ZPBP: variants seen among roughly 807,000 people sequenced by gnomAD.
ZPBP encodes zona pellucida-binding protein 1.
Under a neutral mutation model 44.8 loss-of-function variants are expected in ZPBP, and 26 were observed. The observed-to-expected ratio is 0.58, with a 90% CI of 0.43 to 0.81. The LOEUF (loss-of-function observed/expected upper bound fraction) is 0.81. Among genes scored for constraint, ZPBP ranks in the 30% least tolerant of loss-of-function variants. The probability of loss-of-function intolerance (pLI) is 0.00; values close to 1 mark genes in which losing one functional copy is unlikely to be tolerated. For missense variants in ZPBP, 409 were observed against 434.0 expected, an observed-to-expected ratio of 0.94 and a Z score of 0.51; for synonymous variants, 174 against 153.2, an observed-to-expected ratio of 1.14 and a Z score of -1.00.
chr7:50,047,932 T>C lies in ZPBP; in HGVS notation c.487+10057A>G, dbSNP rs572365427. On this transcript the variant is annotated intron_variant, in intron 4 of 7. Coordinates refer to ENST00000046087, the MANE Select transcript of ZPBP (RefSeq NM_007009.3). The stretch of plus-strand genomic sequence containing the variant: ...CTGCACAATGAGAAATATGTTTCCG[T>C]TGGATTTAACAACAAGGGGACTATT... 3.2e-4 allele frequency among the ~76,000 whole-genome samples: 48 copies of C among 152,268 alleles called. No homozygotes were observed. The Middle Eastern group carries it at 0.01, about 32-fold the overall frequency.
chr7:49,847,243 A>G (rs1483673542), downstream of ZPBP, among the ~76,000 whole-genome samples: 1 of 148,968 alleles, frequency 6.7e-6, no homozygotes, highest in South Asian at 2.1e-4. Flanking sequence ...TATATATAAT[A>G]TAATATAATT....
chr7:49,922,183 A>G (rs897855018), intron 1 of ZPBP, among the ~76,000 whole-genome samples: 1 of 152,192 alleles, frequency 6.6e-6, no homozygotes, highest in Non-Finnish European at 1.5e-5. Context: ...AGTAGCATCT[A>G]TAATATAATA....
Position 49,960,997 on chromosome 7 carries a change from G to A in ZPBP, c.961+22345C>T, listed in dbSNP as rs137860637. Among the ~76,000 whole-genome samples the A allele has an allele frequency of 1.3e-3, 199 of 152,106 alleles. 1 individual carries two copies. Among genetic ancestry groups the A allele is most frequent in the African/African-American group, 4.6e-3 (190 of 41,494 alleles). ...CAGCCACTTTATAAAGCCAATTGTT[G>A]GCTCCTAAATATGGATACAATTGGC... is the stretch of plus-strand genomic sequence containing the variant. On this transcript the variant is annotated intron_variant, in intron 7 of 7. Transcript: ENST00000046087.
At chr7:50,065,138 T>C (rs1801436716) in intron 3 of ZPBP, among the ~76,000 whole-genome samples, 1 of 152,240 alleles carries the variant, frequency 6.6e-6, no homozygotes, top group Non-Finnish European at 1.5e-5. Flanking sequence ...TCTATTTTTG[T>C]GAGTATGCTC....
intron 3 of ZPBP, among the ~76,000 whole-genome samples, chr7:50,065,508 A>T (rs925952767): frequency 6.6e-6 from 1 of 151,034 alleles, no homozygotes; most frequent in Admixed American, 6.6e-5. Flanking sequence ...GCCTTTTCTT[A>T]TCAGGCGATA....
intron 4 of ZPBP, among the ~76,000 whole-genome samples, chr7:50,041,906 C>T (rs1800114461): frequency 1.3e-5 from 2 of 152,124 alleles, no homozygotes; most frequent in South Asian, 4.2e-4. Flanking sequence ...TAATCAGATG[C>T]AAGGAAGCTA....
the ZPBP span, among the ~76,000 whole-genome samples, chr7:49,840,744 G>A: frequency 6.6e-6 from 1 of 152,010 alleles, no homozygotes; most frequent in African/African-American, 2.4e-5. Context: ...GTTCATTTTT[G>A]TGGATCCGGC....
At chr7:50,046,909 T>C (rs866621058) in intron 4 of ZPBP, among the ~76,000 whole-genome samples, 1 of 152,140 alleles carries the variant, frequency 6.6e-6, no homozygotes, top group Non-Finnish European at 1.5e-5. Context: ...TGACCATCAA[T>C]GATAGGCTAG....
intron 6 of ZPBP, among the ~76,000 whole-genome samples, chr7:49,996,728 A>G (rs1176904674): frequency 6.6e-6 from 1 of 152,148 alleles, no homozygotes; most frequent in Admixed American, 6.5e-5. Context: ...TTTGACCTGG[A>G]ACTTTTCTAC....
chr7:49,970,466 C>CTTTTTTTTTTT (rs771955717), intron 7 of ZPBP, among the ~76,000 whole-genome samples: 5 of 85,210 alleles, frequency 5.9e-5, no homozygotes, highest in African/African-American at 1.9e-4. Context: ...GCTGAATATA[C>CTTTTTTTTTTT]TTTTTTTTTT....
chr7:50,015,019 C>T (rs1798757594), intron 6 of ZPBP, among the ~76,000 whole-genome samples: 1 of 152,112 alleles, frequency 6.6e-6, no homozygotes, highest in Non-Finnish European at 1.5e-5. Flanking sequence ...AATGAAGGTG[C>T]TTTTGTGAAA....
At chr7:49,932,305 C>A (rs772095943) in intron 1 of ZPBP, among the ~76,000 whole-genome samples, 1 of 152,238 alleles carries the variant, frequency 6.6e-6, no homozygotes, top group African/African-American at 2.4e-5. Flanking sequence ...CCTGTGAAAG[C>A]AGCCAGAAGG....
chr7:50,007,838 T>C (rs1287815537), intron 6 of ZPBP, among the ~76,000 whole-genome samples: 1 of 151,720 alleles, frequency 6.6e-6, no homozygotes, highest in African/African-American at 2.4e-5. Flanking sequence ...AATAAAACAC[T>C]AAAAAAACTT....
At chr7:49,869,099 C>CT (rs1006429982) in intron 2 of ZPBP, among the ~76,000 whole-genome samples, 72 of 148,964 alleles carry the variant, frequency 4.8e-4, no homozygotes, top group African/African-American at 9.3e-4. Context: ...TTTACACTTC[C>CT]TTTTTTTTTT....
At position 50,031,185 on chromosome 7, in the gene ZPBP, G is replaced by C; in HGVS notation, c.613C>G (p.Leu205Val). ...TTAAGTAAGGAAATTTCACATGAAAGGTCAAGAAGCAGTTTGCTTAAAATC... is the reference window on the plus strand; with the variant it reads ...TTAAGTAAGGAAATTTCACATGAAACGTCAAGAAGCAGTTTGCTTAAAATC... ...LQILSKLLLD[L>V]SCEISLLKSE... The change falls in exon 5 of 8, where the codon CTT becomes GTT. Residue 205 changes from leucine to valine, a missense_variant. Transcript: ENST00000046087. 1 of 1,613,608 alleles carries C rather than the reference G, an allele frequency of 6.2e-7. No homozygotes were observed. Among genetic ancestry groups the C allele is most frequent in the South Asian group, 1.1e-5 (1 of 91,052 alleles).
At chr7:50,077,490 T>G (rs1802153842) in intron 3 of ZPBP, among the ~76,000 whole-genome samples, 1 of 151,814 alleles carries the variant, frequency 6.6e-6, no homozygotes, top group African/African-American at 2.4e-5. Context: ...ATATGCAAAC[T>G]ACCCCCTTTG....
At chr7:49,901,999 T>A (rs1332576173) in intron 1 of ZPBP, among the ~76,000 whole-genome samples, 1 of 147,538 alleles carries the variant, frequency 6.8e-6, no homozygotes, top group African/African-American at 2.7e-5. Flanking sequence ...AAAAAATAAA[T>A]CAAGAGACAG....
intron 3 of ZPBP, among the ~76,000 whole-genome samples, chr7:50,078,278 T>C (rs1415436339): frequency 6.6e-6 from 1 of 151,526 alleles, no homozygotes; most frequent in Non-Finnish European, 1.5e-5. Context: ...GAAGTGGGGA[T>C]GATTAATGGG....
In ZPBP at chr7:49,982,288, CATAATAT is replaced by C. The variant is rs1562821409; in HGVS notation, c.961+1047_961+1053del. On this transcript the variant is annotated intron_variant, in intron 7 of 7. Coordinates refer to ENST00000046087, the MANE Select transcript of ZPBP (RefSeq NM_007009.3). Reference sequence around the variant, plus strand: ...ATATTATATATAATTTATAATTATACATAATATATATAATATATAATTATATAATATA... The same window carrying C: ...ATATTATATATAATTTATAATTATACATATAATATATAATTATATAATATA... 3.0e-4 allele frequency among the ~76,000 whole-genome samples: 12 copies of C among 39,550 alleles called. No homozygotes were observed. In the East Asian group the frequency reaches 5.4e-3, roughly 18 times the overall value. 25.9% of individuals were successfully genotyped at this position (39,550 alleles called of 152,430 possible).
Sources: allele counts gnomAD v4.1 joint callset (sites outside exome capture counted in the v4.1 genomes callset), GRCh38; gene constraint gnomAD v4.1.1; transcripts MANE v1.5; gene names NCBI Gene and HGNC (gene_info 2026-07-23, HGNC 2026-07-21).